Variants in SLITRK5 observed in about 807,000 individuals in gnomAD.
The protein encoded by SLITRK5 is SLIT and NTRK-like protein 5.
SLITRK5 carries 23 observed loss-of-function variants against 56.2 expected under a neutral mutation model. That is an observed-to-expected ratio of 0.41 (90% CI 0.29 to 0.58). SLITRK5 has a LOEUF of 0.58. SLITRK5 is among the 20% of genes least tolerant of loss of function. The pLI is 0.30. For synonymous variants in SLITRK5, 637 were observed against 531.8 expected, an observed-to-expected ratio of 1.20 and a Z score of -2.72; for missense variants, 1,289 against 1,226.6, an observed-to-expected ratio of 1.05 and a Z score of -0.76.
At position 87,678,492 on chromosome 13, in the gene SLITRK5, G is replaced by A. The variant is rs1877398095; in HGVS notation, c.*227G>A. ...TGGGCACATCACTTTCTCTTCTTGC[G>A]TGTGGGGCAGGTGTGGAGAAGGGCT... is the stretch of plus-strand genomic sequence containing the variant. On this transcript the variant is annotated 3_prime_UTR_variant, in exon 2 of 2. Transcript: ENST00000683689. The A allele has an allele frequency of 5.3e-6, 3 of 568,974 alleles. No homozygotes were observed. The highest frequency in any genetic ancestry group is 9.5e-6 in the Non-Finnish European group (3 of 314,730). The allele number at this position is 568,974 out of a possible 1,614,324, so 35.2% of individuals were successfully genotyped here.
chr13:87,676,869 G>C lies in SLITRK5; in HGVS notation c.1481G>C (p.Arg494Pro). ...CTCTTCCTCCAGTACAATCTCATCC[G>C]CGAGATTCAGTCTGGAACTTTTGAC... Reference protein sequence around the residue: ...QYLFLQYNLIREIQSGTFDPV... With the variant: ...QYLFLQYNLIPEIQSGTFDPV... Residue 494 changes from arginine to proline, a missense_variant, in exon 2 of 2, where the codon CGC (arginine) becomes CCC (proline). Physicochemically the swap from Arg to Pro is moderately radical, Grantham distance 103. Transcript: ENST00000683689. 6.2e-7 allele frequency: 1 copy of C among 1,614,046 alleles called. No homozygotes were observed. The highest frequency in any genetic ancestry group is 8.5e-7 in the Non-Finnish European group (1 of 1,180,018).
chr13:87,676,264 C>A lies in SLITRK5; in HGVS notation c.876C>A (p.Tyr292Ter). The A allele has an allele frequency of 6.2e-7, 1 of 1,614,112 alleles. No homozygotes were observed. Among genetic ancestry groups the A allele is most frequent in the Non-Finnish European group, 8.5e-7 (1 of 1,180,022 alleles). Residue 292 changes from tyrosine to a stop codon, truncating the protein, a stop_gained, in exon 2 of 2, where the codon TAC (tyrosine) becomes TAA (stop). Transcript: ENST00000683689. LOFTEE classifies it high-confidence loss of function. ...GCCCAAGGAGACTTATTTCTGACTA[C>A]GAGATGAGGCCGCAGACGCCTTTGA... The part of the protein sequence containing the change: ...ELCPRRLISD[Y>*]EMRPQTPLST...
chr13:87,677,839 C>T lies in SLITRK5; in HGVS notation c.2451C>T (p.Pro817=), dbSNP rs750782928. 2 of 1,611,682 alleles carry T rather than the reference C, an allele frequency of 1.2e-6. No homozygotes were observed. The highest frequency in any genetic ancestry group is 1.7e-6 in the Non-Finnish European group (2 of 1,178,848). The part of the protein sequence containing the change: ...QQPPPQLQLQ[P]GEEERRESHH... ...CCCCGCCGCAGCTGCAGCTGCAGCC[C>T]GGGGAGGAGGAGAGGCGGGAAAGCC... Residue 817 remains proline (P), a synonymous_variant, in exon 2 of 2, where the codon CCC becomes CCT. Transcript: ENST00000683689. The surrounding 1 kb of genome is among the most constrained non-coding windows in gnomAD (Gnocchi z 4.7).
At chr13:87,674,616 C>T (rs964564970) in intron 1 of SLITRK5, among the ~76,000 whole-genome samples, 2 of 152,078 alleles carry the variant, frequency 1.3e-5, no homozygotes, top group Non-Finnish European at 2.9e-5. Flanking sequence ...GGTCGCAGGG[C>T]GCTCTCCGGG....
In SLITRK5 at chr13:87,676,936, C is replaced by T. The variant is rs778508515; in HGVS notation, c.1548C>T (p.Leu516=). The T allele has an allele frequency of 1.2e-6, 2 of 1,614,200 alleles. No homozygotes were observed. Among genetic ancestry groups the T allele is most frequent in the Non-Finnish European group, 1.7e-6 (2 of 1,180,030 alleles). ...NLQLLFLNNN[L]LQAMPSGVFS... Reference sequence around the variant, plus strand: ...AGCTGCTATTCTTGAATAACAACCTCCTGCAGGCCATGCCCTCAGGCGTCT... The same window carrying T: ...AGCTGCTATTCTTGAATAACAACCTTCTGCAGGCCATGCCCTCAGGCGTCT... The change falls in exon 2 of 2, where the codon CTC becomes CTT. Residue 516 remains leucine (L), a synonymous_variant. Transcript: ENST00000683689.
Position 87,677,061 on chromosome 13 carries a change from T to G in SLITRK5, c.1673T>G (p.Ile558Ser). The G allele has an allele frequency of 6.2e-7, 1 of 1,614,080 alleles. No individual in the cohort carries two copies. Among genetic ancestry groups the G allele is most frequent in the Non-Finnish European group, 8.5e-7 (1 of 1,180,020 alleles). The part of the protein sequence containing the change: ...VLDQLKSLIQ[I>S]DLHDNPWDCT... ...GACCAGCTGAAGTCACTCATCCAAA[T>G]CGACCTGCATGACAATCCTTGGGAT... Residue 558 changes from isoleucine (I) to serine (S), a missense_variant, in exon 2 of 2, where the codon ATC becomes AGC. Ile to Ser is a moderately radical substitution (Grantham distance 142). Coordinates refer to ENST00000683689, the MANE Select transcript of SLITRK5 (RefSeq NM_001384609.1). This position sits in a 1 kb window ranked among gnomAD's most constrained non-coding sequence, Gnocchi z 4.7.
rs750330122 is a variant in SLITRK5, at chr13:87,678,178, C to T, written c.2790C>T (p.Asn930=). ...PSAVFVEPNR[N]EYLELKAKLN... is the part of the protein sequence containing the mutation. ...CTGTCTTTGTAGAACCCAACCGGAA[C>T]GAATATCTGGAGTTAAAAGCAAAAC... Residue 930 remains asparagine (N), a synonymous_variant, in exon 2 of 2, where the codon AAC becomes AAT. Transcript: ENST00000683689. 2 of 1,614,198 alleles carry T rather than the reference C, an allele frequency of 1.2e-6. No homozygotes were observed. The highest frequency in any genetic ancestry group is 8.5e-7 in the Non-Finnish European group (1 of 1,180,014).
intron 1 of SLITRK5, among the ~76,000 whole-genome samples, chr13:87,674,166 C>A (rs1330234963): frequency 2.6e-5 from 4 of 152,056 alleles, no homozygotes; most frequent in Non-Finnish European, 5.9e-5. Context: ...CATATTGATT[C>A]CTGTGGGAGA....
At position 87,677,826 on chromosome 13, in the gene SLITRK5, T is replaced by C. The variant is rs752059521; in HGVS notation, c.2438T>C (p.Leu813Pro). Residue 813 changes from leucine to proline, a missense_variant, in exon 2 of 2, where the codon CTG (leucine) becomes CCG (proline). By Grantham distance (98) the Leu-to-Pro change is moderately conservative (BLOSUM62 -3). Transcript: ENST00000683689. The surrounding 1 kb of genome is among the most constrained non-coding windows in gnomAD (Gnocchi z 4.7). ...CCACAGCAGCAGCCCCCGCCGCAGC[T>C]GCAGCTGCAGCCCGGGGAGGAGGAG... is the stretch of plus-strand genomic sequence containing the variant. ...QQPQQQPPPQ[L>P]QLQPGEEERR... 1 of 1,611,530 alleles carries C rather than the reference T, an allele frequency of 6.2e-7. No individual in the cohort carries two copies. Among genetic ancestry groups the C allele is most frequent in the Non-Finnish European group, 8.5e-7 (1 of 1,178,670 alleles).
In SLITRK5 at chr13:87,677,793, C is replaced by T. The variant is rs771796619; in HGVS notation, c.2405C>T (p.Pro802Leu). The T allele has an allele frequency of 1.9e-6, 3 of 1,608,520 alleles. No individual in the cohort carries two copies. Among genetic ancestry groups the T allele is most frequent in the Non-Finnish European group, 2.5e-6 (3 of 1,177,650 alleles). ...CAGCAGCAGCAGCCGCCGCCGCCAC[C>T]GCAGCAGCCACAGCAGCAGCCCCCG... ...LQQQQQPPPP[P>L]QQPQQQPPPQ... The change falls in exon 2 of 2, where the codon CCG (proline) becomes CTG (leucine). Residue 802 changes from proline (P) to leucine (L), a missense_variant. By Grantham distance (98) the Pro-to-Leu change is moderately conservative. This residue lies in a region of SLITRK5 where 985 missense variants were observed against 906.0 expected (regional missense o/e 1.09). Transcript: ENST00000683689. This position sits in a 1 kb window ranked among gnomAD's most constrained non-coding sequence, Gnocchi z 4.7.
In SLITRK5 at chr13:87,675,969, A is replaced by G; in HGVS notation, c.581A>G (p.Asn194Ser). 1 of 1,614,112 alleles carries G rather than the reference A, an allele frequency of 6.2e-7. No individual in the cohort carries two copies. Among genetic ancestry groups the G allele is most frequent in the Non-Finnish European group, 8.5e-7 (1 of 1,180,028 alleles). ...LNDNLLSSLP[N>S]NLFRFVPLTH... ...GACAATCTTTTGTCCAGTTTACCCA[A>G]CAATCTTTTCCGTTTTGTGCCCTTA... Residue 194 changes from asparagine to serine, a missense_variant, in exon 2 of 2, where the codon AAC (asparagine) becomes AGC (serine). By Grantham distance (46) the Asn-to-Ser change is conservative (BLOSUM62 1). Transcript: ENST00000683689.
chr13:87,677,243 G>A lies in SLITRK5; in HGVS notation c.1855G>A (p.Val619Ile). ...GCTGTGCCCTGACTATTCAGATGTA[G>A]TAGTTTCCACGCCCACACCCTCCTC... ...ELLCPDYSDV[V>I]VSTPTPSSIQ... Residue 619 changes from valine to isoleucine, a missense_variant, in exon 2 of 2, where the codon GTA becomes ATA. Around this residue, in one of 3 missense-constraint regions of SLITRK5, gnomAD observed 985 missense variants for 906.0 expected, o/e 1.09. Coordinates refer to ENST00000683689, the MANE Select transcript of SLITRK5 (RefSeq NM_001384609.1). The surrounding 1 kb of genome is among the most constrained non-coding windows in gnomAD (Gnocchi z 4.7). 6.2e-7 allele frequency: 1 copy of A among 1,614,174 alleles called. No homozygotes were observed. The highest frequency in any genetic ancestry group is 8.5e-7 in the Non-Finnish European group (1 of 1,180,040).
In SLITRK5 at chr13:87,671,511, C is replaced by T. The variant is rs1877021358; in HGVS notation, c.-707C>T. Among the ~76,000 whole-genome samples the T allele has an allele frequency of 6.6e-6, 1 of 152,068 alleles. No individual in the cohort carries two copies. The highest frequency in any genetic ancestry group is 2.4e-5 in the African/African-American group (1 of 41,432). On this transcript the variant is annotated 5_prime_UTR_variant, in exon 1 of 2. Transcript: ENST00000683689. ...GTCTCAGAGACCCGGTGTTGCTTAC[C>T]GCGTTGCCACCTCCTCGGCGCCCGG...
intron 1 of SLITRK5, among the ~76,000 whole-genome samples, 66 bp downstream of exon 1, chr13:87,672,275 C>G (rs1042586554): frequency 1.7e-4 from 26 of 152,276 alleles, no homozygotes; most frequent in African/African-American, 6.3e-4. Flanking sequence ...CGCGCCTTAA[C>G]ACGTATTGGA....
chr13:87,672,786 G>C (rs1245424185), intron 1 of SLITRK5: 1 of 153,544 alleles, frequency 6.5e-6, no homozygotes, highest in Non-Finnish European at 1.4e-5. Context: ...TGTTTTTAAA[G>C]GGTGGCTATG....
chr13:87,678,987 T>C lies in SLITRK5; in HGVS notation c.*722T>C, dbSNP rs1877417909. On this transcript the variant is annotated 3_prime_UTR_variant, in exon 2 of 2. Transcript: ENST00000683689. Reference sequence around the variant, plus strand: ...TTGATGAAATATACAAATATTTTATTGTAGCACCTATTTTTATATGCACAT... The same window carrying C: ...TTGATGAAATATACAAATATTTTATCGTAGCACCTATTTTTATATGCACAT... The C allele has an allele frequency of 9.3e-6, 1 of 107,454 alleles. No homozygotes were observed. The highest frequency in any genetic ancestry group is 1.2e-4 in the Admixed American group (1 of 8,086). The allele number at this position is 107,454 out of a possible 1,614,324, so 6.7% of individuals were successfully genotyped here.
intron 1 of SLITRK5, chr13:87,674,432 T>G: frequency 2.0e-6 from 2 of 984,434 alleles, no homozygotes; most frequent in Non-Finnish European, 2.4e-6. Flanking sequence ...TGCTGATCCT[T>G]GGTGTACTGA....
rs772894574 is a variant in SLITRK5 at position 87,676,491 on chromosome 13, C to T, written c.1103C>T (p.Ser368Phe). ...YGPSIAYQTK[S>F]PVPLECPTAC... is the part of the protein sequence containing the mutation. ...CCCAGCATCGCCTATCAGACCAAAT[C>T]CCCGGTGCCTTTGGAGTGTCCCACC... The change falls in exon 2 of 2, where the codon TCC (serine) becomes TTC (phenylalanine). Residue 368 changes from serine (S) to phenylalanine (F), a missense_variant. Ser to Phe is a radical substitution (Grantham distance 155, BLOSUM62 -2). Around this residue, in one of 3 missense-constraint regions of SLITRK5, gnomAD observed 985 missense variants for 906.0 expected, o/e 1.09. Coordinates refer to ENST00000683689, the MANE Select transcript of SLITRK5 (RefSeq NM_001384609.1). The T allele has an allele frequency of 1.7e-5, 28 of 1,613,992 alleles. No homozygotes were observed. The highest frequency in any genetic ancestry group is 2.7e-5 in the African/African-American group (2 of 74,918).
intron 1 of SLITRK5, among the ~76,000 whole-genome samples, 71 bp downstream of exon 1, chr13:87,672,280 A>T (rs994190127): frequency 1.3e-5 from 2 of 152,086 alleles, no homozygotes; most frequent in African/African-American, 4.8e-5. Context: ...CTTAACACGT[A>T]TTGGAGCGAG....
Sources: allele counts gnomAD v4.1 joint callset (sites outside exome capture counted in the v4.1 genomes callset), GRCh38; gene constraint gnomAD v4.1.1; regional missense constraint gnomAD v4.1.1; non-coding constraint Gnocchi (gnomAD v3.1); transcripts MANE v1.5; gene names NCBI Gene and HGNC (gene_info 2026-07-23, HGNC 2026-07-21).